The following PHIP variants were observed in gnomAD, a reference collection of about 807,000 sequenced individuals.
The protein encoded by PHIP is PHIP subunit of CUL4-Ring ligase complex.
In PHIP, 54 loss-of-function variants were observed where a neutral mutation model predicts 236.8. The observed-to-expected ratio is 0.23, with a 90% CI of 0.18 to 0.29. The LOEUF is 0.29. Ranked by LOEUF, PHIP falls within the 10% of genes least tolerant of loss-of-function variation. The probability of loss-of-function intolerance (pLI) is 1.00; values close to 1 mark genes in which losing one functional copy is unlikely to be tolerated. For synonymous variants in PHIP, 756 were observed against 718.9 expected, an observed-to-expected ratio of 1.05 and a Z score of -0.83; for missense variants, 1,370 against 2,190.8, an observed-to-expected ratio of 0.63 and a Z score of 7.48.
rs1200300471 is a variant in PHIP, at chr6:78,963,235, G to A, written c.3397C>T (p.Leu1133=). The A allele has an allele frequency of 3.7e-6, 6 of 1,602,464 alleles. No individual in the cohort carries two copies. The highest frequency in any genetic ancestry group is 5.1e-6 in the Non-Finnish European group (6 of 1,175,740). ...IPNNAVFPEE[L]GTSVPLTDGE... is the part of the protein sequence containing the mutation. The stretch of plus-strand genomic sequence containing the variant: ...TCAGTTAAAGGAACACTGGTACCTA[G>A]TTCTTCAGGAAATACAGCTGAAATA... Residue 1133 remains leucine, a synonymous_variant, in exon 30 of 40, where the codon CTA becomes TTA. Transcript: ENST00000275034.
At chr6:78,966,283 T>C (rs1444005164) in intron 27 of PHIP, among the ~76,000 whole-genome samples, 4 of 152,250 alleles carry the variant, frequency 2.6e-5, no homozygotes, top group Admixed American at 1.3e-4. Context: ...TTCTATTTTT[T>C]ATATTTCATT....
chr6:78,988,395 A>G, intron 20 of PHIP, 46 bp from the exon 21 acceptor site: 3 of 1,403,182 alleles, frequency 2.1e-6, no homozygotes, highest in Non-Finnish European at 2.9e-6. Context: ...TTTAAAGAGC[A>G]GGATTTTTAG....
intron 35 of PHIP, among the ~76,000 whole-genome samples, chr6:78,952,657 T>TA (rs1417845450): frequency 2.0e-5 from 3 of 152,140 alleles, no homozygotes; most frequent in Non-Finnish European, 4.4e-5. Context: ...TTACACTTAC[T>TA]ATCTCTTTAG....
intron 7 of PHIP, among the ~76,000 whole-genome samples, chr6:79,035,758 A>G (rs2127755069): frequency 6.6e-6 from 1 of 152,338 alleles, no homozygotes; most frequent in East Asian, 1.9e-4. Flanking sequence ...CTAAAAAGTA[A>G]CCTGCTTTTC....
chr6:78,954,457 G>A (rs1040548494), intron 35 of PHIP, among the ~76,000 whole-genome samples: 9 of 151,924 alleles, frequency 5.9e-5, no homozygotes, highest in Admixed American at 1.3e-4. Flanking sequence ...CTGTAAGGAC[G>A]TAGGCATTAT....
chr6:78,948,888 G>A (rs145649210), intron 35 of PHIP, among the ~76,000 whole-genome samples: 2 of 152,240 alleles, frequency 1.3e-5, no homozygotes, highest in African/African-American at 4.8e-5. Flanking sequence ...GATCAAATAC[G>A]TCTGACCATG....
At chr6:79,044,495 C>T (rs998987205) in intron 6 of PHIP, among the ~76,000 whole-genome samples, 1 of 152,118 alleles carries the variant, frequency 6.6e-6, no homozygotes, top group Non-Finnish European at 1.5e-5. Flanking sequence ...AAGAATCACA[C>T]AAAAACCATA....
In PHIP at chr6:79,055,211, T is replaced by C. The variant is rs375098013; in HGVS notation, c.439+5267A>G. 3.3e-4 allele frequency among the ~76,000 whole-genome samples: 50 copies of C among 152,204 alleles called. 1 individual carries two copies. Among genetic ancestry groups the C allele is most frequent in the African/African-American group, 1.1e-3 (46 of 41,570 alleles). ...ATAAAAAGTTTACTTTGCTAACATG[T>C]CAAATGTAAGAAAAATGCAAACAAA... On this transcript the variant is annotated intron_variant, in intron 6 of 39. Transcript: ENST00000275034.
chr6:78,954,975 G>A lies in PHIP; in HGVS notation c.3904-12C>T, dbSNP rs1766316583. Reference sequence around the variant, plus strand: ...CTAGGCTGATGGTCCTGTGATAAAAGTGTTCAAATATATTAATAAAAGAGC... The same window carrying A: ...CTAGGCTGATGGTCCTGTGATAAAAATGTTCAAATATATTAATAAAAGAGC... On this transcript the variant is annotated splice_polypyrimidine_tract_variant and intron_variant, in intron 34 of 39. Transcript: ENST00000275034. 1 of 1,525,910 alleles carries A rather than the reference G, an allele frequency of 6.6e-7. No individual in the cohort carries two copies. Among genetic ancestry groups the A allele is most frequent in the Admixed American group, 2.4e-5 (1 of 41,860 alleles). 94.5% of individuals were successfully genotyped at this position (1,525,910 alleles called of 1,614,324 possible). A position where few individuals can be genotyped will look rare whatever the true frequency, so the allele number is the denominator to read the frequency against.
chr6:78,962,514 A>G (rs1461912863), intron 30 of PHIP, among the ~76,000 whole-genome samples: 3 of 152,090 alleles, frequency 2.0e-5, no homozygotes, highest in African/African-American at 7.2e-5. Context: ...CTTCTTACTC[A>G]TGTTAATTTC....
intron 39 of PHIP, among the ~76,000 whole-genome samples, chr6:78,944,743 A>C (rs1422244062): frequency 1.3e-5 from 2 of 152,226 alleles, no homozygotes; most frequent in East Asian, 3.8e-4. Flanking sequence ...GAAAGTCATG[A>C]TGCAAAATGC....
At chr6:78,987,455 T>C (rs1768940769) in intron 21 of PHIP, among the ~76,000 whole-genome samples, 1 of 152,144 alleles carries the variant, frequency 6.6e-6, no homozygotes, top group Non-Finnish European at 1.5e-5. Context: ...TACTCTCAGT[T>C]TGAGAGTTAA....
At chr6:78,987,878 A>G (rs902820335) in intron 21 of PHIP, among the ~76,000 whole-genome samples, 1 of 152,200 alleles carries the variant, frequency 6.6e-6, no homozygotes, top group African/African-American at 2.4e-5. Flanking sequence ...CCACTTAAAA[A>G]GCTTGGCTTT....
chr6:79,043,678 TG>T (rs923347339), intron 6 of PHIP, among the ~76,000 whole-genome samples: 1 of 152,070 alleles, frequency 6.6e-6, no homozygotes, highest in Admixed American at 6.6e-5. Context: ...CTTGATACAT[TG>T]ACTCCAGCTG....
At chr6:78,966,199 A>G in intron 27 of PHIP, 143 bp from the exon 28 acceptor site, 1 of 591,388 alleles carries the variant, frequency 1.7e-6, no homozygotes, top group Non-Finnish European at 3.1e-6. Flanking sequence ...AAAAATAAGT[A>G]AGTACAATCA....
intron 19 of PHIP, 93 bp downstream of exon 19, chr6:78,997,321 A>C: frequency 9.2e-7 from 1 of 1,084,340 alleles, no homozygotes; most frequent in Non-Finnish European, 1.4e-6. Context: ...ATTTCAGAGG[A>C]ATTACAGAGC....
intron 7 of PHIP, among the ~76,000 whole-genome samples, chr6:79,029,840 A>G (rs1771584109): frequency 6.6e-6 from 1 of 152,182 alleles, no homozygotes. Flanking sequence ...ATGAGGAAGA[A>G]TGAATTAAAA....
intron 19 of PHIP, among the ~76,000 whole-genome samples, chr6:78,992,637 T>A (rs1164475616): frequency 6.6e-6 from 1 of 152,196 alleles, no homozygotes; most frequent in Non-Finnish European, 1.5e-5. Flanking sequence ...ATTATGGAGA[T>A]CTGTTGTCAG....
intron 8 of PHIP, 141 bp downstream of exon 8, chr6:79,025,802 T>C: frequency 1.4e-6 from 1 of 699,734 alleles, no homozygotes; most frequent in Non-Finnish European, 2.4e-6. Flanking sequence ...GTCTTCATTT[T>C]AGTTGGCCTT....
Sources: allele counts gnomAD v4.1 joint callset (sites outside exome capture counted in the v4.1 genomes callset), GRCh38; gene constraint gnomAD v4.1.1; transcripts MANE v1.5; gene names NCBI Gene and HGNC (gene_info 2026-07-23, HGNC 2026-07-21).